Variants in AHCYL2 observed in about 807,000 individuals in gnomAD.
The protein encoded by AHCYL2 is adenosylhomocysteinase like 2.
A neutral mutation model predicts 81.4 loss-of-function variants in AHCYL2; 28 were observed. That is an observed-to-expected ratio of 0.34 (90% confidence interval 0.25 to 0.47). The LOEUF is 0.47. Among genes scored for constraint, AHCYL2 ranks in the 20% least tolerant of loss-of-function variants. The pLI is 1.00. For missense variants in AHCYL2, 551 were observed against 785.1 expected (o/e 0.70, Z 3.56); for synonymous variants, 272 against 290.2 (o/e 0.94, Z 0.64).
At chr7:129,425,893 C>T (rs1797342484) in intron 15 of AHCYL2, among the ~76,000 whole-genome samples, 1 of 152,112 alleles carries the variant, frequency 6.6e-6, no homozygotes, top group African/African-American at 2.4e-5. Flanking sequence ...GGAGACCAAA[C>T]AAATACATAG....
intron 1 of AHCYL2, among the ~76,000 whole-genome samples, chr7:129,334,392 C>T (rs1370055078): frequency 6.6e-6 from 1 of 152,124 alleles, no homozygotes; most frequent in Admixed American, 6.6e-5. Flanking sequence ...TTCATGGTTA[C>T]TTCCTGATCC....
intron 1 of AHCYL2, among the ~76,000 whole-genome samples, chr7:129,278,758 A>G (rs1796310776): frequency 7.0e-6 from 1 of 143,384 alleles, no homozygotes; most frequent in African/African-American, 2.6e-5. Flanking sequence ...GTTTGTATTG[A>G]AGCTCTTTTT....
chr7:129,277,320 C>T (rs1197499482), intron 1 of AHCYL2, among the ~76,000 whole-genome samples: 1 of 150,548 alleles, frequency 6.6e-6, no homozygotes, highest in Non-Finnish European at 1.5e-5. Context: ...GCTCTGTCGC[C>T]CAGGCTAGAT....
At chr7:129,379,587 T>C (rs868267163) in intron 1 of AHCYL2, 51 bp from the exon 2 acceptor site, 1 of 1,413,180 alleles carries the variant, frequency 7.1e-7, no homozygotes, top group Middle Eastern at 1.8e-4. Flanking sequence ...TGAATTGCTG[T>C]CTCAAAATGG....
rs1035581638 is a variant in AHCYL2, at chr7:129,322,960, A to G, written c.364-56678A>G. ...GAGGGTTACCTCTGTCATTCTTGATATTATTCCTTTGGATCTTCTCTCTTT... is the reference window on the plus strand; with the variant it reads ...GAGGGTTACCTCTGTCATTCTTGATGTTATTCCTTTGGATCTTCTCTCTTT... On this transcript the variant is annotated intron_variant, in intron 1 of 16. Transcript: ENST00000325006. 3.9e-5 allele frequency among the ~76,000 whole-genome samples: 6 copies of G among 152,188 alleles called. No homozygotes were observed. In the East Asian group the frequency reaches 5.8e-4, roughly 15 times the overall value.
intron 1 of AHCYL2, among the ~76,000 whole-genome samples, chr7:129,242,717 G>GA (rs76368354): frequency 0.012 from 1,354 of 108,822 alleles, 16 homozygotes; most frequent in African/African-American, 0.032. Flanking sequence ...CTCTGTCTCA[G>GA]AAAAAAAAAA....
chr7:129,257,709 G>C (rs73721602), intron 1 of AHCYL2, among the ~76,000 whole-genome samples: 510 of 152,284 alleles, frequency 3.3e-3, no homozygotes, highest in African/African-American at 0.012. Flanking sequence ...CTTGTGGAAA[G>C]TAATTTGTTG....
At chr7:129,244,055 G>A (rs1354759150) in intron 1 of AHCYL2, among the ~76,000 whole-genome samples, 2 of 151,608 alleles carry the variant, frequency 1.3e-5, no homozygotes, top group Admixed American at 6.6e-5. Flanking sequence ...GTAGAGTGCA[G>A]TGGTGCAATC....
At chr7:129,297,324 G>A (rs527415824) in intron 1 of AHCYL2, among the ~76,000 whole-genome samples, 1 of 152,140 alleles carries the variant, frequency 6.6e-6, no homozygotes, top group Non-Finnish European at 1.5e-5. Context: ...CTTCATCTTA[G>A]GACCGGGCTG....
At chr7:129,300,540 C>T (rs1018938251) in intron 1 of AHCYL2, among the ~76,000 whole-genome samples, 9 of 152,138 alleles carry the variant, frequency 5.9e-5, no homozygotes, top group South Asian at 2.1e-4. Flanking sequence ...AAAATCTATT[C>T]GTCTGTTGAT....
At chr7:129,414,264 T>A (rs939957664) in intron 12 of AHCYL2, among the ~76,000 whole-genome samples, 1 of 152,204 alleles carries the variant, frequency 6.6e-6, no homozygotes, top group Non-Finnish European at 1.5e-5. Flanking sequence ...TCATAATCAA[T>A]TCAGCACCAT....
At chr7:129,402,967 G>T (rs1338268530) in intron 6 of AHCYL2, among the ~76,000 whole-genome samples, 1 of 151,918 alleles carries the variant, frequency 6.6e-6, no homozygotes, top group African/African-American at 2.4e-5. Flanking sequence ...TGTAAACTGA[G>T]GCTGTTTATT....
chr7:129,383,180 T>C (rs1286387047), intron 2 of AHCYL2, among the ~76,000 whole-genome samples: 1 of 152,094 alleles, frequency 6.6e-6, no homozygotes, highest in African/African-American at 2.4e-5. Flanking sequence ...CTATTTTTTT[T>C]TAAGAGACAG....
At chr7:129,242,873 G>C (rs1056732447) in intron 1 of AHCYL2, among the ~76,000 whole-genome samples, 4 of 152,102 alleles carry the variant, frequency 2.6e-5, no homozygotes, top group Non-Finnish European at 4.4e-5. Context: ...TAGTATCTCT[G>C]TTGTTTTAAT....
chr7:129,401,055 T>C (rs1218038725), intron 6 of AHCYL2, among the ~76,000 whole-genome samples: 1 of 152,146 alleles, frequency 6.6e-6, no homozygotes, highest in Non-Finnish European at 1.5e-5. Context: ...AAGGGCCAGG[T>C]GTGGTGGCCT....
chr7:129,313,993 A>G lies in AHCYL2; in HGVS notation c.364-65645A>G, dbSNP rs112142513. Among the ~76,000 whole-genome samples, 1,048 of 152,320 alleles carry G rather than the reference A, an allele frequency of 6.9e-3. 14 individuals are homozygous for G. The highest frequency in any genetic ancestry group is 0.035 in the South Asian group (168 of 4,828). Reference sequence around the variant, plus strand: ...GTTACCAGGGCACAGCCATTAGAGAATATAACTAAAAAGGAGTCGAGATCA... The same window carrying G: ...GTTACCAGGGCACAGCCATTAGAGAGTATAACTAAAAAGGAGTCGAGATCA... On this transcript the variant is annotated intron_variant, in intron 1 of 16. Coordinates refer to ENST00000325006, the MANE Select transcript of AHCYL2 (RefSeq NM_015328.4).
chr7:129,299,197 C>T (rs570613032), intron 1 of AHCYL2, among the ~76,000 whole-genome samples: 19 of 149,090 alleles, frequency 1.3e-4, no homozygotes, highest in African/African-American at 3.9e-4. Flanking sequence ...CATGGTAGTC[C>T]ATGTCTGTGA....
At chr7:129,375,904 G>A (rs1179377480) in intron 1 of AHCYL2, 56 of 1,535,982 alleles carry the variant, frequency 3.6e-5, no homozygotes, top group Non-Finnish European at 4.7e-5. Flanking sequence ...ATTGTTAATG[G>A]CAACTCTGGG....
At chr7:129,272,832 C>T (rs889712881) in intron 1 of AHCYL2, among the ~76,000 whole-genome samples, 7 of 152,016 alleles carry the variant, frequency 4.6e-5, no homozygotes, top group African/African-American at 1.2e-4. Context: ...TATTTCTAAC[C>T]CAGGAATGGT....
Sources: allele counts gnomAD v4.1 joint callset (sites outside exome capture counted in the v4.1 genomes callset), GRCh38; gene constraint gnomAD v4.1.1; transcripts MANE v1.5; gene names NCBI Gene and HGNC (gene_info 2026-07-23, HGNC 2026-07-21).